DPP6: variants seen among roughly 807,000 people sequenced by gnomAD.
The protein encoded by DPP6 is dipeptidyl peptidase like 6.
In DPP6, 69 loss-of-function variants were observed where a neutral mutation model predicts 122.6. The ratio of observed to expected loss-of-function variants is 0.56; its 90% CI spans 0.46 to 0.69. The LOEUF (loss-of-function observed/expected upper bound fraction) is 0.69, where lower values mean the gene tolerates loss of function less well. Ranked by LOEUF, DPP6 falls within the 30% of genes least tolerant of loss-of-function variation. The probability of loss-of-function intolerance (pLI) is 0.00; values close to 1 mark genes in which losing one functional copy is unlikely to be tolerated. For synonymous variants in DPP6, 418 were observed against 433.1 expected, an observed-to-expected ratio of 0.97 and a Z score of 0.43; for missense variants, 928 against 1,116.9, an observed-to-expected ratio of 0.83 and a Z score of 2.41.
Position 154,241,617 on chromosome 7 carries a change from A to G in DPP6, c.243+188554A>G, listed in dbSNP as rs1801623316. On this transcript the variant is annotated intron_variant, in intron 1 of 25. Coordinates refer to ENST00000377770, the MANE Select transcript of DPP6 (RefSeq NM_130797.4). This position sits in a 1 kb window ranked among gnomAD's most constrained non-coding sequence, Gnocchi z 9.0. ...CCCATCTACTCCAAAATGCCTCCCT[A>G]TTTATTCTTATATTGATTAATGTAT... Among the ~76,000 whole-genome samples, 2 of 152,108 alleles carry G rather than the reference A, an allele frequency of 1.3e-5. No individual in the cohort carries two copies. The highest frequency in any genetic ancestry group is 4.8e-5 in the African/African-American group (2 of 41,416).
At chr7:154,837,437 C>T (rs555605853) in intron 16 of DPP6, among the ~76,000 whole-genome samples, 2 of 152,226 alleles carry the variant, frequency 1.3e-5, no homozygotes, top group Non-Finnish European at 2.9e-5. Flanking sequence ...GACACATTCA[C>T]GTGCATGCAC....
intron 5 of DPP6, among the ~76,000 whole-genome samples, chr7:154,617,330 T>A (rs554147094): frequency 1.3e-5 from 2 of 152,362 alleles, no homozygotes; most frequent in East Asian, 3.9e-4. Context: ...TGTTGGCAAT[T>A]GTTTTTGTGT....
At chr7:154,575,650 TTGTGTGGTGTGTGTGTATG>T (rs1191143954) in intron 5 of DPP6, among the ~76,000 whole-genome samples, 5 of 116,030 alleles carry the variant, frequency 4.3e-5, no homozygotes, top group Non-Finnish European at 5.4e-5. Context: ...TGGTGTGTTT[TTGTGTGGTGTGTGTGTATG>T]TGTGTGGTGT....
At chr7:154,337,991 C>T (rs1261696214) in intron 1 of DPP6, among the ~76,000 whole-genome samples, 5 of 152,224 alleles carry the variant, frequency 3.3e-5, no homozygotes, top group African/African-American at 9.6e-5. Context: ...GCCCCTCCTC[C>T]GTTGACTGCA....
chr7:154,225,186 C>A (rs1286913909), intron 1 of DPP6, among the ~76,000 whole-genome samples: 1 of 151,964 alleles, frequency 6.6e-6, no homozygotes, highest in Non-Finnish European at 1.5e-5. Flanking sequence ...TAAAAACATA[C>A]TGATTTCAGA....
At chr7:154,406,516 C>T (rs1816126366) in intron 1 of DPP6, among the ~76,000 whole-genome samples, 1 of 151,956 alleles carries the variant, frequency 6.6e-6, no homozygotes, top group African/African-American at 2.4e-5. Flanking sequence ...CACACACATC[C>T]ACGCACAAAT....
At chr7:154,684,211 A>G (rs763800153) in intron 7 of DPP6, among the ~76,000 whole-genome samples, 1 of 151,632 alleles carries the variant, frequency 6.6e-6, no homozygotes, top group Non-Finnish European at 1.5e-5. Flanking sequence ...CCTAACTCCA[A>G]TCCCTGAAGA....
chr7:154,201,774 C>T (rs1285477451), intron 1 of DPP6, among the ~76,000 whole-genome samples: 1 of 152,220 alleles, frequency 6.6e-6, no homozygotes, highest in Non-Finnish European at 1.5e-5. Context: ...AGTGTAACCA[C>T]ATCAGTGGGT....
rs1475864613 is a variant in DPP6, at chr7:154,893,522, G to C, written c.*1042G>C. On this transcript the variant is annotated 3_prime_UTR_variant, in exon 26 of 26. Coordinates refer to ENST00000377770, the MANE Select transcript of DPP6 (RefSeq NM_130797.4). ...CGTCAACTCCACCCACAGGCCCGCTGTGTGTGCTCGGGCCACGGGAGTCCT... is the reference window on the plus strand; with the variant it reads ...CGTCAACTCCACCCACAGGCCCGCTCTGTGTGCTCGGGCCACGGGAGTCCT... 6.7e-6 allele frequency: 1 copy of C among 149,532 alleles called. No individual in the cohort carries two copies. Among genetic ancestry groups the C allele is most frequent in the Non-Finnish European group, 1.5e-5 (1 of 67,786 alleles). 9.3% of individuals were successfully genotyped at this position (149,532 alleles called of 1,614,324 possible). A position where few individuals can be genotyped will look rare whatever the true frequency, so the allele number is the denominator to read the frequency against.
intron 4 of DPP6, among the ~76,000 whole-genome samples, chr7:154,557,420 A>T (rs776682947): frequency 1.3e-5 from 2 of 152,220 alleles, no homozygotes; most frequent in African/African-American, 4.8e-5. Flanking sequence ...ATTGCGTATC[A>T]GCCCCACTGT....
chr7:154,804,738 A>G (rs1053455390), intron 14 of DPP6, among the ~76,000 whole-genome samples, 179 bp from the exon 15 acceptor site: 3 of 152,204 alleles, frequency 2.0e-5, no homozygotes, highest in Admixed American at 2.0e-4. Context: ...CTCAGCCCTT[A>G]GGTGTCTGGC....
the DPP6 span, among the ~76,000 whole-genome samples, chr7:153,788,324 C>A: frequency 6.6e-6 from 1 of 152,176 alleles, no homozygotes; most frequent in Non-Finnish European, 1.5e-5. Context: ...CTGCTGCCAA[C>A]TGAATGACCT....
intron 5 of DPP6, among the ~76,000 whole-genome samples, chr7:154,636,023 C>T (rs543551774): frequency 1.3e-5 from 2 of 152,194 alleles, no homozygotes; most frequent in Non-Finnish European, 2.9e-5. Flanking sequence ...CTCTTCTCTT[C>T]TCTCTCCTCC....
intron 5 of DPP6, among the ~76,000 whole-genome samples, chr7:154,575,467 T>G: frequency 4.4e-5 from 1 of 22,772 alleles, no homozygotes; most frequent in Admixed American, 5.3e-4. Context: ...TGNGCGGGTG[T>G]ATGTGTGTGG....
chr7:153,899,293 T>C (rs879308343), intron 1 of DPP6, among the ~76,000 whole-genome samples: 1 of 152,160 alleles, frequency 6.6e-6, no homozygotes, highest in Non-Finnish European at 1.5e-5. Flanking sequence ...CTTGCCTTTA[T>C]GTTGGGAAAC....
At chr7:154,664,223 G>A (rs1269363717) in intron 6 of DPP6, among the ~76,000 whole-genome samples, 2 of 147,588 alleles carry the variant, frequency 1.4e-5, no homozygotes, top group African/African-American at 4.9e-5. Context: ...ACCATGGCTT[G>A]TTGGCCCTAG....
intron 1 of DPP6, among the ~76,000 whole-genome samples, chr7:153,971,822 C>T (rs1028647331): frequency 2.1e-5 from 3 of 142,878 alleles, no homozygotes; most frequent in Non-Finnish European, 3.1e-5. Context: ...TGCTCCATAA[C>T]GTCTAGCTTT....
At chr7:153,761,603 A>C in the DPP6 span, among the ~76,000 whole-genome samples, 1 of 152,044 alleles carries the variant, frequency 6.6e-6, no homozygotes, top group Non-Finnish European at 1.5e-5. Context: ...TTGACTGAGG[A>C]AATTGTGCTA....
chr7:154,374,571 T>C (rs1418743311), intron 1 of DPP6, among the ~76,000 whole-genome samples: 1 of 152,028 alleles, frequency 6.6e-6, no homozygotes, highest in Non-Finnish European at 1.5e-5. Flanking sequence ...ATAGGTTTTT[T>C]TTTTCTTTTC....
Sources: gnomAD v4.1 joint callset for allele counts (sites outside exome capture counted in the v4.1 genomes callset) on GRCh38, gnomAD v4.1.1 for gene constraint, Gnocchi (gnomAD v3.1) non-coding constraint, MANE v1.5 for transcripts, NCBI Gene and HGNC (gene_info 2026-07-23, HGNC 2026-07-21) for gene names.